ZNF385D: variants seen among roughly 807,000 people sequenced by gnomAD.
ZNF385D encodes zinc finger protein 659.
Under a neutral mutation model 35.8 loss-of-function variants are expected in ZNF385D, and 15 were observed. The ratio of observed to expected loss-of-function variants is 0.42; its 90% CI spans 0.28 to 0.64. The LOEUF is 0.64. Among genes scored for constraint, ZNF385D ranks in the 30% least tolerant of loss-of-function variants. The probability of loss-of-function intolerance (pLI) is 0.23; values close to 1 mark genes in which losing one functional copy is unlikely to be tolerated. For synonymous variants in ZNF385D, 212 were observed against 186.8 expected, an observed-to-expected ratio of 1.13 and a Z score of -1.10; for missense variants, 474 against 494.6, an observed-to-expected ratio of 0.96 and a Z score of 0.39.
At chr3:21,666,176 A>T (rs1204544700) in intron 1 of ZNF385D, among the ~76,000 whole-genome samples, 1 of 152,234 alleles carries the variant, frequency 6.6e-6, no homozygotes, top group Admixed American at 6.5e-5. Flanking sequence ...TGCACACAGA[A>T]CATCATCTTG....
intron 2 of ZNF385D, among the ~76,000 whole-genome samples, chr3:22,284,086 T>C (rs968168937): frequency 6.6e-6 from 1 of 152,120 alleles, no homozygotes; most frequent in African/African-American, 2.4e-5. Context: ...TTATACTTAC[T>C]TGAGGCAAGA....
At chr3:21,975,083 G>A (rs986955811) in intron 3 of ZNF385D, among the ~76,000 whole-genome samples, 2 of 152,168 alleles carry the variant, frequency 1.3e-5, no homozygotes, top group Non-Finnish European at 2.9e-5. Context: ...ACCCAAAAGA[G>A]AGAAAATCAG....
At chr3:21,817,620 A>G (rs1457147136) in intron 3 of ZNF385D, among the ~76,000 whole-genome samples, 1 of 152,214 alleles carries the variant, frequency 6.6e-6, no homozygotes, top group Non-Finnish European at 1.5e-5. Flanking sequence ...CAAAGCCACA[A>G]TGAGATACCA....
At chr3:21,737,590 G>A (rs745662096) in intron 1 of ZNF385D, among the ~76,000 whole-genome samples, 13 of 152,068 alleles carry the variant, frequency 8.5e-5, no homozygotes, top group Non-Finnish European at 1.8e-4. Context: ...ACCTATGGTG[G>A]TTGGTGGGGG....
In ZNF385D at chr3:21,732,046, T is replaced by G. The variant is rs1026566061; in HGVS notation, c.22+18849A>C. ...TTTTTCGGGGTTTTTTTTTTTTTTT[T>G]TTTTTTTTTTTTTTTTTTTTTTTGA... is the stretch of plus-strand genomic sequence containing the variant. On this transcript the variant is annotated intron_variant, in intron 1 of 7. Transcript: ENST00000281523. 5.7e-3 allele frequency among the ~76,000 whole-genome samples: 286 copies of G among 50,530 alleles called. 62 individuals are homozygous for G. The highest frequency in any genetic ancestry group is 0.013 in the African/African-American group (257 of 19,970). 33.1% of individuals were successfully genotyped at this position (50,530 alleles called of 152,430 possible). A position where few individuals can be genotyped will look rare whatever the true frequency, so the allele number is the denominator to read the frequency against.
chr3:22,303,279 T>C (rs548461852), intron 2 of ZNF385D, among the ~76,000 whole-genome samples: 20 of 152,188 alleles, frequency 1.3e-4, no homozygotes, highest in South Asian at 1.0e-3. Flanking sequence ...GTTTACCCCA[T>C]TGTCAATGAG....
intron 3 of ZNF385D, among the ~76,000 whole-genome samples, chr3:21,816,488 G>A (rs1343976881): frequency 2.0e-5 from 3 of 152,140 alleles, no homozygotes; most frequent in Non-Finnish European, 4.4e-5. Context: ...AAAGTCTCAA[G>A]ATACAAAATC....
At chr3:21,698,540 C>A (rs975125389) in intron 1 of ZNF385D, among the ~76,000 whole-genome samples, 3 of 152,070 alleles carry the variant, frequency 2.0e-5, no homozygotes, top group South Asian at 2.1e-4. Context: ...ACACTAGAAT[C>A]TCAAACCTCA....
intron 2 of ZNF385D, among the ~76,000 whole-genome samples, chr3:22,266,865 G>A (rs777589577): frequency 2.0e-5 from 3 of 151,884 alleles, no homozygotes; most frequent in Non-Finnish European, 4.4e-5. Flanking sequence ...TTCTGGGAAA[G>A]GTAGTGTCAT....
At position 22,332,309 on chromosome 3, in the gene ZNF385D, GTAAC is replaced by G. The variant is rs373624507; in HGVS notation, c.106+40137_106+40140del. ...TGTAAATCTAGTGAGTCAGTTTTCA[GTAAC>G]TAACAGGTTTTCACCCAGATGGCCT... On this transcript the variant is annotated intron_variant, in intron 2 of 5. Coordinates refer to the ZNF385D transcript ENST00000494108. 5.0e-4 allele frequency among the ~76,000 whole-genome samples: 76 copies of G among 152,238 alleles called. 1 individual carries two copies. The East Asian group carries it at 0.012, about 25-fold the overall frequency.
intron 1 of ZNF385D, among the ~76,000 whole-genome samples, chr3:21,736,646 C>T (rs1482886751): frequency 6.6e-6 from 1 of 152,164 alleles, no homozygotes; most frequent in African/African-American, 2.4e-5. Context: ...TATGGCACCA[C>T]TGCCTTTTTG....
chr3:22,280,528 C>G (rs1183528801), intron 2 of ZNF385D, among the ~76,000 whole-genome samples: 2 of 152,014 alleles, frequency 1.3e-5, no homozygotes, highest in African/African-American at 2.4e-5. Flanking sequence ...AATAGGGTGT[C>G]CTTTCCCCAC....
chr3:21,990,056 C>G (rs1470024454), intron 3 of ZNF385D, among the ~76,000 whole-genome samples: 1 of 152,154 alleles, frequency 6.6e-6, no homozygotes, highest in African/African-American at 2.4e-5. Flanking sequence ...ACATTTTACC[C>G]TGACTCCAAA....
intron 3 of ZNF385D, among the ~76,000 whole-genome samples, chr3:21,837,288 A>T (rs992562251): frequency 6.6e-6 from 1 of 152,124 alleles, no homozygotes; most frequent in African/African-American, 2.4e-5. Context: ...GTCTTCAAAC[A>T]ACAGCAATTT....
chr3:22,123,305 G>A (rs1353952824), intron 3 of ZNF385D, among the ~76,000 whole-genome samples: 2 of 152,078 alleles, frequency 1.3e-5, no homozygotes, highest in Non-Finnish European at 2.9e-5. Context: ...TTATATTTGA[G>A]ATATTTATTT....
At chr3:22,293,199 A>C (rs576633242) in intron 2 of ZNF385D, among the ~76,000 whole-genome samples, 51 of 152,194 alleles carry the variant, frequency 3.4e-4, no homozygotes, top group African/African-American at 1.2e-3. Flanking sequence ...ATTCATTTGC[A>C]TGTGTCATAA....
intron 2 of ZNF385D, among the ~76,000 whole-genome samples, chr3:22,222,620 G>C (rs1325648364): frequency 3.3e-5 from 5 of 152,126 alleles, no homozygotes; most frequent in Admixed American, 3.3e-4. Context: ...CTGTGGGGAA[G>C]CTACTTACTG....
At chr3:21,724,374 G>C (rs2068664683) in intron 1 of ZNF385D, among the ~76,000 whole-genome samples, 1 of 149,988 alleles carries the variant, frequency 6.7e-6, no homozygotes, top group Non-Finnish European at 1.5e-5. Flanking sequence ...ATAGAGTCAA[G>C]ACCCATCAAT....
rs1023993460 is a variant in ZNF385D, at chr3:21,841,994, G to T, written c.326-176966C>A. Among the ~76,000 whole-genome samples, 4 of 151,334 alleles carry T rather than the reference G, an allele frequency of 2.6e-5. No individual in the cohort carries two copies. The South Asian group carries it at 8.3e-4, about 31-fold the overall frequency. On this transcript the variant is annotated intron_variant, in intron 3 of 5. Transcript: ENST00000494108. ...TAATTGAATCTATATAATTGAAAAT[G>T]TATTTGTATAATATATAAAATGGAA...
Sources: gnomAD v4.1 joint callset for allele counts (sites outside exome capture counted in the v4.1 genomes callset) on GRCh38, gnomAD v4.1.1 for gene constraint, MANE v1.5 for transcripts, NCBI Gene and HGNC (gene_info 2026-07-23, HGNC 2026-07-21) for gene names.